The following GUCY1B1 variants were observed in gnomAD, a reference collection of about 807,000 sequenced individuals.
GUCY1B1 encodes guanylate cyclase soluble subunit beta-1.
In GUCY1B1, 43 loss-of-function variants were observed where a neutral mutation model predicts 71.0. The observed-to-expected ratio is 0.61, with a 90% CI of 0.47 to 0.78. The LOEUF (loss-of-function observed/expected upper bound fraction) is 0.78, where lower values mean the gene tolerates loss of function less well. Ranked by LOEUF, GUCY1B1 falls within the 30% of genes least tolerant of loss-of-function variation. GUCY1B1 has a pLI of 0.00. For missense variants in GUCY1B1, 535 were observed against 754.1 expected (o/e 0.71, Z 3.40); for synonymous variants, 266 against 259.7 (o/e 1.02, Z -0.23).
chr4:155,781,349 C>T (rs111468411), intron 4 of GUCY1B1, among the ~76,000 whole-genome samples: 1,626 of 152,192 alleles, frequency 0.011, 27 homozygotes, highest in African/African-American at 0.037. Flanking sequence ...TTTGTTTTCT[C>T]ACATGGAGGT....
At chr4:155,767,219 T>C (rs994216911) in intron 2 of GUCY1B1, among the ~76,000 whole-genome samples, 1 of 152,238 alleles carries the variant, frequency 6.6e-6, no homozygotes, top group Admixed American at 6.5e-5. Flanking sequence ...GTATTAGTAC[T>C]GCCTGCTGCT....
rs148793772 is a variant in GUCY1B1, at chr4:155,797,735, A to AAATAATAATAATAATAATAATAAT, written c.977+1230_977+1253dup. Among the ~76,000 whole-genome samples, 178 of 144,980 alleles carry AAATAATAATAATAATAATAATAAT rather than the reference A, an allele frequency of 1.2e-3. 1 individual carries two copies. Among genetic ancestry groups the AAATAATAATAATAATAATAATAAT allele is most frequent in the Admixed American group, 1.4e-3 (20 of 14,256 alleles). On this transcript the variant is annotated intron_variant, in intron 8 of 13. Transcript: ENST00000264424. ...GGCAACAGAGCAAGACACTGTCTCAAAATAATAATAATAATAATAATAATA... is the reference window on the plus strand; with the variant it reads ...GGCAACAGAGCAAGACACTGTCTCAAAATAATAATAATAATAATAATAATAATAATAATAATAATAATAATAATA...
chr4:155,774,156 A>T (rs926106560), intron 2 of GUCY1B1, among the ~76,000 whole-genome samples: 5 of 152,132 alleles, frequency 3.3e-5, no homozygotes, highest in Non-Finnish European at 7.4e-5. Flanking sequence ...CACCTCTTTC[A>T]AGTAAATGGC....
intron 2 of GUCY1B1, chr4:155,772,845 T>G (rs1311920290): frequency 5.7e-6 from 4 of 698,764 alleles, no homozygotes; most frequent in Non-Finnish European, 7.8e-6. Context: ...AAAAAAAAGT[T>G]ATGAATAAAT....
chr4:155,775,211 TATC>T, intron 3 of GUCY1B1, 143 bp downstream of exon 3: 1 of 645,084 alleles, frequency 1.6e-6, no homozygotes, highest in Non-Finnish European at 2.8e-6. Flanking sequence ...GGCATCCACA[TATC>T]ATGTTAGGCT....
At position 155,800,084 on chromosome 4, in the gene GUCY1B1, T is replaced by A; in HGVS notation, c.1175+10T>A. ...AGAAAAAGACAGACACGTAAGAATGTAACGCTTGGAGCACTACTGTTATTC... is the reference window on the plus strand; with the variant it reads ...AGAAAAAGACAGACACGTAAGAATGAAACGCTTGGAGCACTACTGTTATTC... On this transcript the variant is annotated intron_variant, in intron 9 of 13. Transcript: ENST00000264424. The A allele has an allele frequency of 6.3e-7, 1 of 1,582,460 alleles. No homozygotes were observed. Among genetic ancestry groups the A allele is most frequent in the Non-Finnish European group, 8.7e-7 (1 of 1,154,622 alleles).
chr4:155,772,651 C>T (rs1348848280), intron 2 of GUCY1B1: 14 of 699,970 alleles, frequency 2.0e-5, no homozygotes, highest in Non-Finnish European at 3.6e-5. Flanking sequence ...AATTCCTGAG[C>T]TCAACGGATC....
intron 2 of GUCY1B1, among the ~76,000 whole-genome samples, chr4:155,768,528 T>A (rs1253541981): frequency 6.6e-6 from 1 of 151,596 alleles, no homozygotes; most frequent in East Asian, 1.9e-4. Context: ...CATTCACTAA[T>A]TTTTAAACAT....
intron 5 of GUCY1B1, among the ~76,000 whole-genome samples, chr4:155,792,621 A>G (rs755767963): frequency 2.0e-5 from 3 of 151,720 alleles, no homozygotes; most frequent in Non-Finnish European, 4.4e-5. Flanking sequence ...ATTGCAGAGA[A>G]TGCGACAGGG....
chr4:155,770,818 C>A (rs1347086884), intron 2 of GUCY1B1, among the ~76,000 whole-genome samples: 4 of 152,174 alleles, frequency 2.6e-5, no homozygotes, highest in East Asian at 3.9e-4. Flanking sequence ...TGTATATTAT[C>A]CTCATATGTA....
At chr4:155,791,276 G>A (rs60938401) in intron 5 of GUCY1B1, among the ~76,000 whole-genome samples, 7,292 of 151,030 alleles carry the variant, frequency 0.048, 580 homozygotes, top group African/African-American at 0.17. Context: ...CACCACGCCC[G>A]GCTAATTTTT....
chr4:155,801,622 A>G (rs4560354), intron 9 of GUCY1B1, among the ~76,000 whole-genome samples: 99,930 of 152,008 alleles, frequency 0.66, 34,047 homozygotes, highest in African/African-American at 0.82. Context: ...AAAGGCAGGA[A>G]GGCTTCATTT....
Position 155,805,195 on chromosome 4 carries a change from T to C in GUCY1B1, c.1802T>C (p.Val601Ala). ...SMKGKKEPMQ[V>A]WFLSRKNTGT... is the part of the protein sequence containing the mutation. The stretch of plus-strand genomic sequence containing the variant: ...AAGGGCAAAAAAGAACCAATGCAAG[T>C]TTGGTTTCTATCCAGAAAAAATACA... The change falls in exon 13 of 14, where the codon GTT becomes GCT. Residue 601 changes from valine to alanine, a missense_variant. By Grantham distance (64) the Val-to-Ala change is moderately conservative (BLOSUM62 0). Coordinates refer to ENST00000264424, the MANE Select transcript of GUCY1B1 (RefSeq NM_000857.5). 6.2e-7 allele frequency: 1 copy of C among 1,611,060 alleles called. No homozygotes were observed. Among genetic ancestry groups the C allele is most frequent in the Non-Finnish European group, 8.5e-7 (1 of 1,178,092 alleles).
rs371318136 is a variant in GUCY1B1, at chr4:155,798,900, T to A, written c.978-977T>A. Among the ~76,000 whole-genome samples, 282 of 152,274 alleles carry A rather than the reference T, an allele frequency of 1.9e-3. 1 individual carries two copies. The highest frequency in any genetic ancestry group is 6.5e-3 in the African/African-American group (270 of 41,564). On this transcript the variant is annotated intron_variant, in intron 8 of 13. Coordinates refer to ENST00000264424, the MANE Select transcript of GUCY1B1 (RefSeq NM_000857.5). The stretch of plus-strand genomic sequence containing the variant: ...TCACCCAGACTGGAATGCAGTGGCA[T>A]GATCTCAGCTCACTGCAGCCTCCTG...
chr4:155,788,486 T>C (rs1738949014), intron 4 of GUCY1B1, among the ~76,000 whole-genome samples: 1 of 152,220 alleles, frequency 6.6e-6, no homozygotes, highest in Admixed American at 6.5e-5. Flanking sequence ...CAGTCACCCA[T>C]GTGACTAGGT....
Position 155,769,190 on chromosome 4 carries a change from C to A in GUCY1B1, c.78-5778C>A, listed in dbSNP as rs754424200. Among the ~76,000 whole-genome samples, 9 of 152,118 alleles carry A rather than the reference C, an allele frequency of 5.9e-5. No homozygotes were observed. The South Asian group carries it at 6.2e-4, about 10-fold the overall frequency. On this transcript the variant is annotated intron_variant, in intron 2 of 13. Transcript: ENST00000264424. ...TAACCAACACAATGACCGGAGGTAA[C>A]TGCTGCTGTTAGCCTGTTTTACAGA...
chr4:155,791,743 G>GAA (rs70954059), intron 5 of GUCY1B1, among the ~76,000 whole-genome samples: 6 of 60,034 alleles, frequency 1.0e-4, no homozygotes, highest in African/African-American at 2.3e-4. Context: ...AAAAAATAGA[G>GAA]AAAAAAAAAA....
At chr4:155,777,251 A>G (rs181099481) in intron 3 of GUCY1B1, among the ~76,000 whole-genome samples, 232 of 152,316 alleles carry the variant, frequency 1.5e-3, no homozygotes, top group African/African-American at 5.3e-3. Context: ...AGATTTTCAG[A>G]TTAGGTATGC....
chr4:155,772,475 C>T, intron 2 of GUCY1B1: 1 of 411,034 alleles, frequency 2.4e-6, no homozygotes, highest in Non-Finnish European at 4.4e-6. Flanking sequence ...AATGCAGTGG[C>T]AAGATCACGC....
Sources: gnomAD v4.1 joint callset for allele counts (sites outside exome capture counted in the v4.1 genomes callset) on GRCh38, gnomAD v4.1.1 for gene constraint, MANE v1.5 for transcripts, NCBI Gene and HGNC (gene_info 2026-07-23, HGNC 2026-07-21) for gene names.